FILIP1L: variants seen among roughly 807,000 people sequenced by gnomAD.
The protein encoded by FILIP1L is filamin A-interacting protein 1-like.
A neutral mutation model predicts 96.6 loss-of-function variants in FILIP1L; 55 were observed. The observed-to-expected ratio is 0.57, with a 90% CI of 0.46 to 0.71. The LOEUF is 0.71. FILIP1L is among the 30% of genes least tolerant of loss of function. The probability of loss-of-function intolerance (pLI) is 0.00; values close to 1 mark genes in which losing one functional copy is unlikely to be tolerated. For synonymous variants in FILIP1L, 467 were observed against 473.9 expected, an observed-to-expected ratio of 0.99 and a Z score of 0.19; for missense variants, 1,304 against 1,321.2, an observed-to-expected ratio of 0.99 and a Z score of 0.20.
intron 1 of FILIP1L, among the ~76,000 whole-genome samples, chr3:100,078,055 A>G (rs974030257): frequency 2.4e-4 from 37 of 152,038 alleles, no homozygotes; most frequent in Admixed American, 2.4e-3. Context: ...TATCCTATTT[A>G]TAAGTTAGAA....
intron 1 of FILIP1L, among the ~76,000 whole-genome samples, chr3:100,083,917 G>A (rs575545143): frequency 7.9e-5 from 12 of 152,276 alleles, no homozygotes; most frequent in Admixed American, 6.5e-4. Flanking sequence ...TTGGTCAGAA[G>A]TACTAAGGTT....
Position 99,850,838 on chromosome 3 carries a change from T to C in FILIP1L, c.838A>G (p.Arg280Gly), listed in dbSNP as rs1480966326. 1.9e-6 allele frequency: 3 copies of C among 1,614,216 alleles called. No individual in the cohort carries two copies. Among genetic ancestry groups the C allele is most frequent in the Non-Finnish European group, 1.7e-6 (2 of 1,180,032 alleles). Residue 280 changes from arginine to glycine, a missense_variant, in exon 5 of 6, where the codon AGA becomes GGA. Physicochemically the swap from Arg to Gly is moderately radical, Grantham distance 125. Transcript: ENST00000477258. ...GCCTTCTGCTCTTCCTCCTGAACTC[T>C]GGCTTCAGCAAGGGCTAGTTTGGTA... ...THTKLALAEA[R>G]VQEEEQKATR...
intron 1 of FILIP1L, among the ~76,000 whole-genome samples, chr3:99,994,572 C>T (rs1318130550): frequency 1.3e-5 from 2 of 152,098 alleles, no homozygotes; most frequent in East Asian, 3.9e-4. Context: ...GAAATCAATA[C>T]AAGAGGAACT....
chr3:99,950,436 T>TA (rs1708141917), intron 1 of FILIP1L, among the ~76,000 whole-genome samples: 1 of 152,228 alleles, frequency 6.6e-6, no homozygotes, highest in Non-Finnish European at 1.5e-5. Context: ...ACAAAGTTAA[T>TA]AAGTGGCAGG....
At chr3:100,054,995 TC>T (rs774723405) in intron 1 of FILIP1L, among the ~76,000 whole-genome samples, 1 of 152,196 alleles carries the variant, frequency 6.6e-6, no homozygotes, top group Non-Finnish European at 1.5e-5. Context: ...TTTTGGGCCT[TC>T]TTGCTGATCA....
At chr3:99,909,984 G>A (rs1249814959) in intron 4 of FILIP1L, among the ~76,000 whole-genome samples, 3 of 83,606 alleles carry the variant, frequency 3.6e-5, no homozygotes, top group African/African-American at 9.4e-5. Context: ...GGGGCAAAAT[G>A]TGTATTCAGA....
chr3:99,839,251 T>A (rs578252415), intron 5 of FILIP1L, among the ~76,000 whole-genome samples: 1 of 152,328 alleles, frequency 6.6e-6, no homozygotes, highest in African/African-American at 2.4e-5. Flanking sequence ...AGCTCTTAGT[T>A]ACCTTTTAAG....
At chr3:99,943,439 C>T (rs1707910062) in intron 1 of FILIP1L, among the ~76,000 whole-genome samples, 1 of 152,148 alleles carries the variant, frequency 6.6e-6, no homozygotes, top group Non-Finnish European at 1.5e-5. Context: ...TATGGTGGCT[C>T]ATGACTGTAA....
chr3:99,921,187 G>T (rs1029636364), intron 4 of FILIP1L, among the ~76,000 whole-genome samples: 1 of 152,160 alleles, frequency 6.6e-6, no homozygotes, highest in African/African-American at 2.4e-5. Context: ...AAGTTGGAAG[G>T]ACTCAGTCAT....
intron 1 of FILIP1L, among the ~76,000 whole-genome samples, chr3:100,098,041 C>G (rs1316241055): frequency 4.6e-5 from 7 of 152,128 alleles, no homozygotes; most frequent in African/African-American, 1.7e-4. Context: ...TTTGAAAAAT[C>G]TAGTAAAACA....
At position 99,850,041 on chromosome 3, in the gene FILIP1L, C is replaced by T. The variant is rs559551588; in HGVS notation, c.1635G>A (p.Arg545=). 8 of 1,610,700 alleles carry T rather than the reference C, an allele frequency of 5.0e-6. No individual in the cohort carries two copies. The East Asian group carries it at 1.6e-4, about 31-fold the overall frequency. The change falls in exon 5 of 6, where the codon AGG becomes AGA. Residue 545 remains arginine (R), a synonymous_variant. Coordinates refer to ENST00000477258, the MANE Select transcript of FILIP1L (RefSeq NM_001387850.1). ...VTEKLIEETK[R]ALKSKTDVEE... ...CTACATCGGTTTTGGACTTGAGCGC[C>T]CTTTTAGTTTCCTCAATTAACTTCT...
At chr3:99,860,018 A>G (rs1456936889) in intron 4 of FILIP1L, among the ~76,000 whole-genome samples, 1 of 152,232 alleles carries the variant, frequency 6.6e-6, no homozygotes. Context: ...AGATCAGTAG[A>G]ACAGTAACAC....
chr3:99,962,048 A>G (rs1460096494), intron 1 of FILIP1L, among the ~76,000 whole-genome samples: 1 of 152,162 alleles, frequency 6.6e-6, no homozygotes, highest in African/African-American at 2.4e-5. Context: ...TTTCTGCAGG[A>G]CACACCACAC....
At chr3:99,879,610 G>T (rs1313784664) in intron 4 of FILIP1L, among the ~76,000 whole-genome samples, 1 of 152,112 alleles carries the variant, frequency 6.6e-6, no homozygotes, top group Admixed American at 6.5e-5. Context: ...TAATTAATAG[G>T]ATGTTTCTTG....
At chr3:99,859,653 A>C in intron 4 of FILIP1L, among the ~76,000 whole-genome samples, 1 of 152,224 alleles carries the variant, frequency 6.6e-6, no homozygotes, top group East Asian at 1.9e-4. Context: ...TGTCTAATAC[A>C]TAATTTTAAC....
At chr3:99,861,033 A>C (rs1944224847) in intron 4 of FILIP1L, among the ~76,000 whole-genome samples, 1 of 152,082 alleles carries the variant, frequency 6.6e-6, no homozygotes, top group Non-Finnish European at 1.5e-5. Flanking sequence ...TGTGCTAGAG[A>C]GTCTACTCAT....
chr3:100,032,777 A>G (rs936454078), intron 1 of FILIP1L, among the ~76,000 whole-genome samples: 2 of 152,208 alleles, frequency 1.3e-5, no homozygotes, highest in African/African-American at 4.8e-5. Flanking sequence ...ATAAATGGTA[A>G]TGCAGTTGTG....
intron 1 of FILIP1L, among the ~76,000 whole-genome samples, chr3:100,047,607 C>T (rs2065297864): frequency 6.6e-6 from 1 of 152,138 alleles, no homozygotes; most frequent in African/African-American, 2.4e-5. Flanking sequence ...TTTATGCCTC[C>T]GCAAACAGTG....
intron 4 of FILIP1L, among the ~76,000 whole-genome samples, chr3:99,882,316 A>T (rs561181387): frequency 2.6e-5 from 4 of 152,278 alleles, no homozygotes; most frequent in African/African-American, 9.6e-5. Flanking sequence ...TAATTGTAAA[A>T]TCCTTTCCTT....
Sources: gnomAD v4.1 joint callset for allele counts (sites outside exome capture counted in the v4.1 genomes callset) on GRCh38, gnomAD v4.1.1 for gene constraint, MANE v1.5 for transcripts, NCBI Gene and HGNC (gene_info 2026-07-23, HGNC 2026-07-21) for gene names.